NAT9: variants seen among roughly 807,000 people sequenced by gnomAD.
The protein encoded by NAT9 is N-acetyltransferase 9, also known as alpha/beta-tubulin-N-acetyltransferase 9.
NAT9 carries 18 observed loss-of-function variants against 24.0 expected under a neutral mutation model. The observed-to-expected ratio is 0.75, with a 90% CI of 0.52 to 1.11. The LOEUF (loss-of-function observed/expected upper bound fraction) is 1.11, where lower values mean the gene tolerates loss of function less well. NAT9 is among the 50% of genes most tolerant of loss of function. NAT9 has a pLI of 0.00. For synonymous variants in NAT9, 104 were observed against 102.3 expected (o/e 1.02, Z -0.10); for missense variants, 254 against 258.6 (o/e 0.98, Z 0.12).
rs772560561 is a variant in NAT9, at chr17:74,771,850, C to G, written c.498G>C (p.Thr166=). ...GGGTCACCTCCTGAAAAACACTGCT[C>G]GTAGCCACCTACGTGAGCCAGAGAG... ...FQKLHFEQVA[T]SSVFQEVTLR... is the part of the protein sequence containing the mutation. Residue 166 remains threonine, a synonymous_variant, in exon 7 of 7, where the codon ACG becomes ACC. Coordinates refer to ENST00000357814, the MANE Select transcript of NAT9 (RefSeq NM_015654.5). 4 of 1,614,212 alleles carry G rather than the reference C, an allele frequency of 2.5e-6. No homozygotes were observed. Among genetic ancestry groups the G allele is most frequent in the East Asian group, 4.5e-5 (2 of 44,890 alleles).
rs915692509 is a variant in NAT9 at position 74,775,610 on chromosome 17, CG to C, written c.77+11del. ...GTGCTGATACGCACCCCATGTCAAGCGGGAAAGATACCTGGGCACATGCTCC... is the reference window on the plus strand; with the variant it reads ...GTGCTGATACGCACCCCATGTCAAGCGGAAAGATACCTGGGCACATGCTCC... On this transcript the variant is annotated intron_variant, in intron 2 of 6. Coordinates refer to ENST00000357814, the MANE Select transcript of NAT9 (RefSeq NM_015654.5). 2.5e-6 allele frequency: 4 copies of C among 1,612,356 alleles called. No homozygotes were observed. The highest frequency in any genetic ancestry group is 3.4e-6 in the Non-Finnish European group (4 of 1,178,490).
At chr17:74,772,405 A>G (rs778972373) in intron 4 of NAT9, 128 bp from the exon 5 acceptor site, 1 of 1,445,348 alleles carries the variant, frequency 6.9e-7, no homozygotes, top group South Asian at 1.3e-5. Context: ...TCTGCAGACG[A>G]GGAAACAGGC....
At position 74,773,203 on chromosome 17, in the gene NAT9, C is replaced by G. The variant is rs529241620; in HGVS notation, c.191-164G>C. 9.3e-6 allele frequency: 8 copies of G among 864,708 alleles called. No homozygotes were observed. The Admixed American group carries it at 2.3e-4, about 25-fold the overall frequency. 53.6% of individuals were successfully genotyped at this position (864,708 alleles called of 1,614,324 possible). A position where few individuals can be genotyped will look rare whatever the true frequency, so the allele number is the denominator to read the frequency against. On this transcript the variant is annotated intron_variant, in intron 3 of 6. Transcript: ENST00000357814. ...TTCAGCTCATTACAAAATTCCAAATCTGCCTCATACAGAAAAAGCCTCTCC... is the reference window on the plus strand; with the variant it reads ...TTCAGCTCATTACAAAATTCCAAATGTGCCTCATACAGAAAAAGCCTCTCC...
chr17:74,775,468 C>T (rs2035907924), intron 2 of NAT9, 154 bp downstream of exon 2: 5 of 598,148 alleles, frequency 8.4e-6, no homozygotes, highest in Non-Finnish European at 5.5e-6. Context: ...GAATTACAGG[C>T]GTGAGCCACG....
At chr17:74,772,178 G>A (rs1426968308) in intron 5 of NAT9, 40 bp downstream of exon 5, 1 of 1,614,164 alleles carries the variant, frequency 6.2e-7, no homozygotes, top group Non-Finnish European at 8.5e-7. Context: ...TTCACCTGGG[G>A]CCTGCCCACT....
intron 2 of NAT9, chr17:74,774,244 C>T (rs2035641046): frequency 6.6e-6 from 1 of 152,478 alleles, no homozygotes; most frequent in African/African-American, 2.4e-5. Context: ...CTCACTGGCA[C>T]CAGGGAAACA....
chr17:74,771,803 GACTC>G lies in NAT9; in HGVS notation c.541_544del (p.Glu181ProfsTer171), dbSNP rs759043403. On this transcript the variant is annotated frameshift_variant, in exon 7 of 7. Transcript: ENST00000357814. LOFTEE classifies it high-confidence loss of function. ...CTGCTCCAGAAGCCACTGATGCTCGGACTCACTCACTGTCAGTCTGAGGGTCACC... is the reference window on the plus strand; with the variant it reads ...CTGCTCCAGAAGCCACTGATGCTCGGACTCACTGTCAGTCTGAGGGTCACC... 19 of 1,614,054 alleles carry G rather than the reference GACTC, an allele frequency of 1.2e-5. No homozygotes were observed. The highest frequency in any genetic ancestry group is 8.9e-5 in the East Asian group (4 of 44,900).
chr17:74,775,584 G>A, intron 2 of NAT9, 38 bp downstream of exon 2: 2 of 1,566,782 alleles, frequency 1.3e-6, no homozygotes, highest in Non-Finnish European at 1.8e-6. Context: ...CACAGCTCTG[G>A]GTGCTGATAC....
In NAT9 at chr17:74,772,721, G is replaced by T. The variant is rs1294982365; in HGVS notation, c.334+175C>A. On this transcript the variant is annotated intron_variant, in intron 4 of 6. Coordinates refer to ENST00000357814, the MANE Select transcript of NAT9 (RefSeq NM_015654.5). ...AAGGACTAAAGTGATGAGGCTGAGG[G>T]TGTACCACCAGGCTGAGGGGGCTAG... The T allele has an allele frequency of 3.5e-6, 4 of 1,153,062 alleles. No homozygotes were observed. The East Asian group carries it at 1.0e-4, about 30-fold the overall frequency. The allele number at this position is 1,153,062 out of a possible 1,614,324, so 71.4% of individuals were successfully genotyped here.
At chr17:74,772,866 C>A in intron 4 of NAT9, 30 bp downstream of exon 4, 1 of 1,612,930 alleles carries the variant, frequency 6.2e-7, no homozygotes, top group South Asian at 1.1e-5. Flanking sequence ...AGCCGGGAGT[C>A]AGCGGAAGGC....
chr17:74,774,249 G>A (rs2144223012), intron 2 of NAT9: 1 of 152,576 alleles, frequency 6.6e-6, no homozygotes, highest in South Asian at 2.1e-4. Flanking sequence ...TGGCACCAGG[G>A]AAACATCACT....
Position 74,771,607 on chromosome 17 carries a change from C to G in NAT9, c.*117G>C, listed in dbSNP as rs1014709207. 3 of 1,479,392 alleles carry G rather than the reference C, an allele frequency of 2.0e-6. No homozygotes were observed. The highest frequency in any genetic ancestry group is 1.4e-5 in the African/African-American group (1 of 72,048). The allele number at this position is 1,479,392 out of a possible 1,614,324, so 91.6% of individuals were successfully genotyped here. On this transcript the variant is annotated 3_prime_UTR_variant, in exon 7 of 7. Coordinates refer to ENST00000357814, the MANE Select transcript of NAT9 (RefSeq NM_015654.5). ...AGCCCCGCCAGAGTCTGAAGGGCCTCGAAAGGTGATTCCCAGCCTGGGCCA... is the reference window on the plus strand; with the variant it reads ...AGCCCCGCCAGAGTCTGAAGGGCCTGGAAAGGTGATTCCCAGCCTGGGCCA...
chr17:74,773,700 G>A lies in NAT9; in HGVS notation c.78-12C>T, dbSNP rs2035559518. 1.2e-6 allele frequency: 2 copies of A among 1,612,722 alleles called. No individual in the cohort carries two copies. The highest frequency in any genetic ancestry group is 1.7e-6 in the Non-Finnish European group (2 of 1,178,856). ...ACTCGTGGTACCTGCTGGGACAGAG[G>A]GGTGGCTTTAGACATGGAGGACTCA... On this transcript the variant is annotated splice_polypyrimidine_tract_variant and intron_variant, in intron 2 of 6. Transcript: ENST00000357814.
intron 4 of NAT9, 94 bp downstream of exon 4, chr17:74,772,802 C>T: frequency 6.4e-7 from 1 of 1,555,186 alleles, no homozygotes; most frequent in Non-Finnish European, 8.7e-7. Flanking sequence ...TCCCAGTGAA[C>T]CCTGTGAGTG....
Position 74,773,637 on chromosome 17 carries a change from C to T in NAT9, c.129G>A (p.Ser43=), listed in dbSNP as rs759534403. Residue 43 remains serine (S), a synonymous_variant, in exon 3 of 7, where the codon TCG becomes TCA. Transcript: ENST00000357814. ...KSEELQRLTA[S]EPLTLEQEYA... ...ACTCCTGCTCCAGGGTCAGCGGCTC[C>T]GAGGCTGTCAAACGCTGCAGCTCCT... 9.3e-6 allele frequency: 15 copies of T among 1,613,984 alleles called. No individual in the cohort carries two copies. The African/African-American group carries it at 9.3e-5, about 10-fold the overall frequency.
intron 5 of NAT9, 75 bp downstream of exon 5, chr17:74,772,143 C>T: frequency 1.2e-6 from 2 of 1,613,590 alleles, no homozygotes; most frequent in Non-Finnish European, 1.7e-6. Flanking sequence ...CTTCACCTGC[C>T]CCCAACCCTC....
At chr17:74,773,966 A>G in intron 2 of NAT9, 1 of 330,034 alleles carries the variant, frequency 3.0e-6, no homozygotes. Flanking sequence ...TTCAAATTCC[A>G]GAAGGGGATG....
chr17:74,773,113 C>A, intron 3 of NAT9, 74 bp from the exon 4 acceptor site: 1 of 1,537,450 alleles, frequency 6.5e-7, no homozygotes. Context: ...CCTACCCAAG[C>A]CAGAGCACTG....
chr17:74,773,308 G>C (rs994227409), intron 3 of NAT9: 13 of 589,980 alleles, frequency 2.2e-5, no homozygotes, highest in African/African-American at 1.7e-4. Flanking sequence ...GGGACATGAG[G>C]GGCAGGGCCT....
Sources: gnomAD v4.1 joint callset for allele counts on GRCh38, gnomAD v4.1.1 for gene constraint, MANE v1.5 for transcripts, NCBI Gene and HGNC (gene_info 2026-07-23, HGNC 2026-07-21) for gene names.